The following PALM2AKAP2 variants were observed in gnomAD, a reference collection of about 807,000 sequenced individuals.
PALM2AKAP2 encodes the protein PALM2 and AKAP2 fusion.
A neutral mutation model predicts 71.5 loss-of-function variants in PALM2AKAP2; 37 were observed. The observed-to-expected ratio is 0.52, with a 90% CI of 0.40 to 0.68. The LOEUF is 0.68. PALM2AKAP2 is among the 30% of genes least tolerant of loss of function. The pLI, the probability that PALM2AKAP2 is intolerant of heterozygous loss-of-function variation, is 0.00. For synonymous variants in PALM2AKAP2, 468 were observed against 478.8 expected (o/e 0.98, Z 0.29); for missense variants, 1,224 against 1,191.8 (o/e 1.03, Z -0.40).
At chr9:109,830,440 C>G (rs1017998321) in intron 1 of PALM2AKAP2, among the ~76,000 whole-genome samples, 3 of 152,114 alleles carry the variant, frequency 2.0e-5, no homozygotes, top group African/African-American at 7.2e-5. Flanking sequence ...GTTTGATCAA[C>G]AAAACACATG....
At chr9:109,655,971 T>G (rs1300099396) in intron 1 of PALM2AKAP2, among the ~76,000 whole-genome samples, 1 of 152,084 alleles carries the variant, frequency 6.6e-6, no homozygotes, top group Non-Finnish European at 1.5e-5. Context: ...GAAAGCCTAT[T>G]ATGAGCCAGT....
At chr9:110,118,637 GTC>G (rs2118991419) in intron 1 of PALM2AKAP2, among the ~76,000 whole-genome samples, 1 of 152,222 alleles carries the variant, frequency 6.6e-6, no homozygotes, top group South Asian at 2.1e-4. Context: ...TTTCCCACCT[GTC>G]TCTCTGTATT....
chr9:109,777,687 A>G (rs143651547), upstream of PALM2AKAP2, among the ~76,000 whole-genome samples: 13 of 152,224 alleles, frequency 8.5e-5, no homozygotes, highest in East Asian at 3.9e-4. Flanking sequence ...CAGCCCTCCA[A>G]TGGTCTCTTC....
At chr9:110,143,904 T>C (rs767550740) in intron 2 of PALM2AKAP2, among the ~76,000 whole-genome samples, 4 of 152,246 alleles carry the variant, frequency 2.6e-5, no homozygotes, top group Non-Finnish European at 4.4e-5. Flanking sequence ...ATGTTACTTT[T>C]GTAAGCTGTA....
intron 1 of PALM2AKAP2, among the ~76,000 whole-genome samples, chr9:109,795,383 T>C (rs1421157036): frequency 6.6e-6 from 1 of 152,248 alleles, no homozygotes; most frequent in Non-Finnish European, 1.5e-5. Context: ...TCTTTAAATG[T>C]CAAAGTCTTT....
At chr9:109,986,773 A>G (rs1033877291) in intron 6 of PALM2AKAP2, among the ~76,000 whole-genome samples, 1 of 152,122 alleles carries the variant, frequency 6.6e-6, no homozygotes, top group Non-Finnish European at 1.5e-5. Context: ...TCTGTCACAT[A>G]TTTTAGTTAT....
intron 1 of PALM2AKAP2, among the ~76,000 whole-genome samples, chr9:109,682,505 G>A (rs890684650): frequency 9.9e-5 from 15 of 152,126 alleles, no homozygotes; most frequent in Non-Finnish European, 1.8e-4. Flanking sequence ...TCATCAAATT[G>A]TCTTATTTTA....
At chr9:109,939,958 C>A (rs1831321948) in intron 6 of PALM2AKAP2, among the ~76,000 whole-genome samples, 2 of 152,170 alleles carry the variant, frequency 1.3e-5, no homozygotes, top group Admixed American at 6.5e-5. Flanking sequence ...CAGAGTGTAT[C>A]TTATTATGCA....
At chr9:109,803,849 G>A (rs1827502873) in intron 1 of PALM2AKAP2, among the ~76,000 whole-genome samples, 2 of 152,236 alleles carry the variant, frequency 1.3e-5, no homozygotes, top group Admixed American at 1.3e-4. Flanking sequence ...AGTTAAGGGA[G>A]TAGATGAGGT....
At chr9:110,105,227 T>G (rs1027644754) in intron 1 of PALM2AKAP2, among the ~76,000 whole-genome samples, 1 of 152,262 alleles carries the variant, frequency 6.6e-6, no homozygotes, top group Non-Finnish European at 1.5e-5. Context: ...TAGACTGGCT[T>G]GCAAGAAAGC....
At chr9:110,137,751 C>T in exon 2 of PALM2AKAP2, 1 of 1,614,182 alleles carries the variant, frequency 6.2e-7, no homozygotes, top group Non-Finnish European at 8.5e-7. Flanking sequence ...GACAGCGGGG[C>T]ATCCAATGAG....
chr9:110,109,562 C>T (rs1171212911), intron 1 of PALM2AKAP2, among the ~76,000 whole-genome samples: 4 of 152,118 alleles, frequency 2.6e-5, no homozygotes, highest in African/African-American at 7.2e-5. Context: ...ACCCTGCCCT[C>T]AGGGAGCTCT....
chr9:109,657,464 G>T (rs1470681011), intron 1 of PALM2AKAP2, among the ~76,000 whole-genome samples: 1 of 151,796 alleles, frequency 6.6e-6, no homozygotes, highest in African/African-American at 2.4e-5. Flanking sequence ...GTGTGTGTGT[G>T]TGTGTGTGTG....
chr9:110,117,683 G>A (rs1336367247), intron 1 of PALM2AKAP2, among the ~76,000 whole-genome samples: 1 of 152,148 alleles, frequency 6.6e-6, no homozygotes, highest in Non-Finnish European at 1.5e-5. Context: ...AGACAAGAGA[G>A]AGCCAGTCTT....
intron 7 of PALM2AKAP2, among the ~76,000 whole-genome samples, chr9:110,038,784 C>CA (rs1178270789): frequency 2.0e-5 from 3 of 151,064 alleles, no homozygotes; most frequent in Admixed American, 6.6e-5. Context: ...ACTAAAAATA[C>CA]AAAAAAATTA....
chr9:109,655,814 C>A (rs926725583), intron 1 of PALM2AKAP2, among the ~76,000 whole-genome samples: 2 of 152,148 alleles, frequency 1.3e-5, no homozygotes, highest in Non-Finnish European at 2.9e-5. Flanking sequence ...GGCTATACCA[C>A]GTTTTATTAT....
intron 1 of PALM2AKAP2, among the ~76,000 whole-genome samples, chr9:109,753,863 A>T (rs1828920401): frequency 6.6e-6 from 1 of 152,188 alleles, no homozygotes; most frequent in African/African-American, 2.4e-5. Flanking sequence ...CATTTTTCGG[A>T]TTTCAAAAAT....
At chr9:110,054,267 C>T (rs770683335) in intron 1 of PALM2AKAP2, among the ~76,000 whole-genome samples, 3 of 152,072 alleles carry the variant, frequency 2.0e-5, no homozygotes, top group African/African-American at 4.8e-5. Flanking sequence ...GGTGTGGTGG[C>T]GCATGCCTGT....
At chr9:109,712,326 T>C (rs1322977577) in intron 1 of PALM2AKAP2, among the ~76,000 whole-genome samples, 2 of 152,178 alleles carry the variant, frequency 1.3e-5, no homozygotes, top group East Asian at 1.9e-4. Context: ...ACCTCAGAGC[T>C]TTTTGCTAAA....
Sources: gnomAD v4.1 joint callset for allele counts (sites outside exome capture counted in the v4.1 genomes callset) on GRCh38, gnomAD v4.1.1 for gene constraint, MANE v1.5 for transcripts, NCBI Gene and HGNC (gene_info 2026-07-23, HGNC 2026-07-21) for gene names.